The following SASH1 variants were observed in gnomAD, a reference collection of about 807,000 sequenced individuals.
The protein encoded by SASH1 is SAM and SH3 domain-containing protein 1.
Under a neutral mutation model 125.2 loss-of-function variants are expected in SASH1, and 44 were observed. The ratio of observed to expected loss-of-function variants is 0.35; its 90% CI spans 0.28 to 0.45. SASH1 has a LOEUF of 0.45. SASH1 is among the 20% of genes least tolerant of loss of function. The pLI, the probability that SASH1 is intolerant of heterozygous loss-of-function variation, is 1.00. For synonymous variants in SASH1, 639 were observed against 649.1 expected, an observed-to-expected ratio of 0.98 and a Z score of 0.24; for missense variants, 1,426 against 1,614.5, an observed-to-expected ratio of 0.88 and a Z score of 2.00.
At chr6:148,381,074 C>A (rs1294658626) in intron 1 of SASH1, among the ~76,000 whole-genome samples, 1 of 152,164 alleles carries the variant, frequency 6.6e-6, no homozygotes, top group African/African-American at 2.4e-5. Flanking sequence ...TCCTCAGTTT[C>A]TTCATCATAC....
At chr6:148,280,968 G>A (rs562578421) in intron 1 of SASH1, among the ~76,000 whole-genome samples, 6 of 151,996 alleles carry the variant, frequency 3.9e-5, no homozygotes, top group African/African-American at 1.4e-4. Context: ...TTTTGAGACA[G>A]AGTCTTGCTC....
rs75468084 is a variant in SASH1, at chr6:148,288,014, C to T, written n.74+15637C>T. On this transcript the variant is annotated intron_variant and non_coding_transcript_variant, in intron 1 of 3. Transcript: ENST00000367469. ...CAAGTCCACTTTTTTGGTGGGCTTT[C>T]GTTCTCACCAAACAAAATAAACTGC... 3.1e-3 allele frequency among the ~76,000 whole-genome samples: 467 copies of T among 152,304 alleles called. 2 individuals carry two copies. The highest frequency in any genetic ancestry group is 9.6e-3 in the African/African-American group (400 of 41,566).
chr6:148,358,887 C>A (rs1299596433), intron 1 of SASH1, among the ~76,000 whole-genome samples: 2 of 151,896 alleles, frequency 1.3e-5, no homozygotes, highest in Non-Finnish European at 2.9e-5. Context: ...AAGCACCCAT[C>A]ACCACACCCG....
chr6:148,238,625 TACACACACACACACACACACAC>T, the SASH1 span, among the ~76,000 whole-genome samples: 1 of 149,446 alleles, frequency 6.7e-6, no homozygotes. Context: ...TACACACACA[TACACACACACACACACACACAC>T]ACACACACAC....
chr6:148,542,764 G>T (rs1233898391), intron 17 of SASH1, among the ~76,000 whole-genome samples: 1 of 152,190 alleles, frequency 6.6e-6, no homozygotes, highest in Admixed American at 6.5e-5. Context: ...TGCATAGCAT[G>T]TTGGTGTTTA....
intron 12 of SASH1, among the ~76,000 whole-genome samples, chr6:148,530,891 C>T (rs1243428935): frequency 6.6e-6 from 1 of 152,162 alleles, no homozygotes; most frequent in Non-Finnish European, 1.5e-5. Context: ...GATTTCCCAG[C>T]TTTTTACTGA....
intron 4 of SASH1, among the ~76,000 whole-genome samples, chr6:148,461,045 T>C (rs2115079196): frequency 6.6e-6 from 1 of 152,304 alleles, no homozygotes; most frequent in African/African-American, 2.4e-5. Flanking sequence ...GAAGTAACAT[T>C]TCCTTGGAGC....
In SASH1 at chr6:148,325,683, C is replaced by G. The variant is rs141211470; in HGVS notation, n.74+53306C>G. The stretch of plus-strand genomic sequence containing the variant: ...ATTATCTCCCACTGGGTCCCTCACA[C>G]GACACGTGGGGATTATGGCAACTAC... On this transcript the variant is annotated intron_variant and non_coding_transcript_variant, in intron 1 of 3. Coordinates refer to the SASH1 transcript ENST00000367469. 2.4e-3 allele frequency among the ~76,000 whole-genome samples: 365 copies of G among 152,210 alleles called. 1 individual carries two copies. The highest frequency in any genetic ancestry group is 8.1e-3 in the African/African-American group (336 of 41,536).
chr6:148,282,267 G>A (rs1180302082), intron 1 of SASH1, among the ~76,000 whole-genome samples: 1 of 152,196 alleles, frequency 6.6e-6, no homozygotes, highest in African/African-American at 2.4e-5. Flanking sequence ...CTCCCCATGG[G>A]CCTGGCAGTG....
At chr6:148,530,531 A>T (rs1355593389) in intron 12 of SASH1, among the ~76,000 whole-genome samples, 1 of 152,168 alleles carries the variant, frequency 6.6e-6, no homozygotes, top group Admixed American at 6.5e-5. Flanking sequence ...GTTGGATCAG[A>T]AGCTGCTGTT....
intron 1 of SASH1, among the ~76,000 whole-genome samples, chr6:148,346,099 C>T (rs6912333): frequency 0.21 from 32,431 of 152,084 alleles, 3,753 homozygotes; most frequent in South Asian, 0.34. Context: ...CACAGCTTAT[C>T]AATACTGTAT....
At chr6:148,296,740 G>A (rs1199273146) in intron 1 of SASH1, among the ~76,000 whole-genome samples, 1 of 152,116 alleles carries the variant, frequency 6.6e-6, no homozygotes, top group Non-Finnish European at 1.5e-5. Context: ...AAATCCCTTC[G>A]GTGCGGCAGT....
chr6:148,243,131 C>T, the SASH1 span, among the ~76,000 whole-genome samples: 1 of 152,026 alleles, frequency 6.6e-6, no homozygotes, highest in Admixed American at 6.6e-5. Context: ...GCCTCACCAA[C>T]ATGGCGAAAA....
chr6:148,396,309 T>A (rs1008805560), intron 2 of SASH1, among the ~76,000 whole-genome samples: 1 of 151,546 alleles, frequency 6.6e-6, no homozygotes. Flanking sequence ...TGAAACTCCA[T>A]CTCTACCAAA....
chr6:148,410,137 G>A (rs1389320861), intron 2 of SASH1, among the ~76,000 whole-genome samples: 3 of 96,482 alleles, frequency 3.1e-5, no homozygotes, highest in Admixed American at 3.1e-4. Flanking sequence ...TTGAGACAGA[G>A]TCTTACTCTG....
At chr6:148,368,672 C>A (rs1782572734) in intron 1 of SASH1, among the ~76,000 whole-genome samples, 1 of 151,698 alleles carries the variant, frequency 6.6e-6, no homozygotes, top group Non-Finnish European at 1.5e-5. Flanking sequence ...TACAAGAATA[C>A]CGACAATGTA....
chr6:148,196,672 G>A, the SASH1 span, among the ~76,000 whole-genome samples: 23 of 152,334 alleles, frequency 1.5e-4, no homozygotes, highest in African/African-American at 5.1e-4. Flanking sequence ...GGAAGAAGAC[G>A]TGATCTTGAC....
intron 12 of SASH1, 47 bp downstream of exon 12, chr6:148,527,643 A>C: frequency 6.4e-7 from 1 of 1,567,734 alleles, no homozygotes; most frequent in Non-Finnish European, 8.6e-7. Flanking sequence ...TCCTGACAAG[A>C]AAAGCTGAGA....
chr6:148,507,358 T>TTTGTTGTTGTTGTTGTTGTTGTTG (rs140530862), intron 8 of SASH1, among the ~76,000 whole-genome samples: 4 of 150,514 alleles, frequency 2.7e-5, no homozygotes, highest in African/African-American at 4.9e-5. Flanking sequence ...CCAATTCCCT[T>TTTGTTGTTGTTGTTGTTGTTGTTG]TTGTTGTTGT....
Sources: allele counts gnomAD v4.1 joint callset (sites outside exome capture counted in the v4.1 genomes callset), GRCh38; gene constraint gnomAD v4.1.1; transcripts MANE v1.5; gene names NCBI Gene and HGNC (gene_info 2026-07-23, HGNC 2026-07-21).